The following LINGO2 variants were observed in gnomAD, a reference collection of about 807,000 sequenced individuals.
The protein encoded by LINGO2 is leucine-rich repeat and immunoglobulin-like domain-containing nogo receptor-interacting protein 2.
A neutral mutation model predicts 30.6 loss-of-function variants in LINGO2; 14 were observed. The observed-to-expected ratio is 0.46, with a 90% CI of 0.30 to 0.72. The LOEUF is 0.72. Ranked by LOEUF, LINGO2 falls within the 30% of genes least tolerant of loss-of-function variation. The pLI is 0.07. For synonymous variants in LINGO2, 317 were observed against 288.5 expected (o/e 1.10, Z -1.00); for missense variants, 729 against 751.7 (o/e 0.97, Z 0.35).
chr9:28,634,972 T>A (rs1827189580), intron 1 of LINGO2, among the ~76,000 whole-genome samples: 1 of 152,132 alleles, frequency 6.6e-6, no homozygotes, highest in South Asian at 2.1e-4. Context: ...ACATTAGAGA[T>A]GGGAAATTAC....
chr9:28,055,645 TAA>T (rs1384710270), intron 4 of LINGO2, among the ~76,000 whole-genome samples: 1 of 151,482 alleles, frequency 6.6e-6, no homozygotes, highest in Non-Finnish European at 1.5e-5. Flanking sequence ...GTCTTGCTAT[TAA>T]GTTTGTTAGG....
At chr9:28,756,833 C>T in the LINGO2 span, among the ~76,000 whole-genome samples, 1 of 151,800 alleles carries the variant, frequency 6.6e-6, no homozygotes, top group Non-Finnish European at 1.5e-5. Flanking sequence ...GCCTCCCTAG[C>T]CATATGGAAC....
At chr9:28,455,697 T>C (rs958482911) in intron 2 of LINGO2, among the ~76,000 whole-genome samples, 1 of 152,146 alleles carries the variant, frequency 6.6e-6, no homozygotes, top group Non-Finnish European at 1.5e-5. Context: ...AACCCAGCAA[T>C]GGCATTCTAC....
intron 2 of LINGO2, among the ~76,000 whole-genome samples, chr9:28,385,932 G>C: frequency 6.6e-6 from 1 of 152,036 alleles, no homozygotes; most frequent in East Asian, 1.9e-4. Flanking sequence ...TCTTCTTACA[G>C]ACCATCATTA....
At chr9:28,607,929 A>G (rs1201194678) in intron 1 of LINGO2, among the ~76,000 whole-genome samples, 3 of 152,060 alleles carry the variant, frequency 2.0e-5, no homozygotes, top group Non-Finnish European at 4.4e-5. Context: ...CTGCCTAGAA[A>G]TCTTAGAAGA....
intron 1 of LINGO2, among the ~76,000 whole-genome samples, chr9:28,504,749 G>T (rs1399415617): frequency 1.3e-5 from 2 of 151,724 alleles, no homozygotes; most frequent in South Asian, 2.1e-4. Context: ...GTCATTGTAA[G>T]TACCCTAAAT....
chr9:27,993,207 T>TC (rs997157185), intron 5 of LINGO2, among the ~76,000 whole-genome samples: 3 of 152,110 alleles, frequency 2.0e-5, no homozygotes, highest in African/African-American at 7.2e-5. Flanking sequence ...TTGGTAATTT[T>TC]CCCCCCTCTT....
chr9:28,355,588 A>G (rs909682351), intron 3 of LINGO2, among the ~76,000 whole-genome samples: 1 of 152,034 alleles, frequency 6.6e-6, no homozygotes, highest in African/African-American at 2.4e-5. Context: ...GTCTGCAAAT[A>G]ATATATGGAT....
At chr9:28,161,618 T>C (rs978814995) in intron 4 of LINGO2, among the ~76,000 whole-genome samples, 2 of 152,140 alleles carry the variant, frequency 1.3e-5, no homozygotes, top group African/African-American at 2.4e-5. Flanking sequence ...TCTCGATGTA[T>C]ATTGAAAATA....
chr9:29,157,706 A>G, the LINGO2 span, among the ~76,000 whole-genome samples: 1 of 152,194 alleles, frequency 6.6e-6, no homozygotes, highest in Non-Finnish European at 1.5e-5. Flanking sequence ...GAAGTCAATA[A>G]GCAGTTTTTT....
At chr9:28,421,003 TG>T (rs1206277888) in intron 2 of LINGO2, among the ~76,000 whole-genome samples, 3 of 152,078 alleles carry the variant, frequency 2.0e-5, no homozygotes, top group Non-Finnish European at 2.9e-5. Context: ...AGTTGGTGAT[TG>T]TATAAATCAC....
the LINGO2 span, among the ~76,000 whole-genome samples, chr9:29,111,120 G>A: frequency 6.6e-6 from 1 of 152,172 alleles, no homozygotes; most frequent in Admixed American, 6.5e-5. Flanking sequence ...GTTATTGTAA[G>A]AATGATCCTT....
chr9:28,255,196 G>T (rs984703823), intron 4 of LINGO2, among the ~76,000 whole-genome samples: 9 of 148,038 alleles, frequency 6.1e-5, no homozygotes, highest in Admixed American at 2.7e-4. Context: ...TCCCTCTCTC[G>T]CTCTCTCTCT....
chr9:28,213,045 C>T lies in LINGO2; in HGVS notation c.-87+82163G>A, dbSNP rs76729268. ...TTTATCTGTAATTTTTTCATGGTCA[C>T]TCTGAATCTGAAACTGTATGCAAAG... is the stretch of plus-strand genomic sequence containing the variant. On this transcript the variant is annotated intron_variant, in intron 4 of 5. Transcript: ENST00000379992. Among the ~76,000 whole-genome samples, 120 of 151,636 alleles carry T rather than the reference C, an allele frequency of 7.9e-4. 2 individuals carry two copies. Among genetic ancestry groups the T allele is most frequent in the African/African-American group, 2.8e-3 (115 of 41,512 alleles).
intron 4 of LINGO2, among the ~76,000 whole-genome samples, chr9:28,020,880 C>A (rs1239558348): frequency 6.7e-6 from 1 of 149,258 alleles, no homozygotes; most frequent in African/African-American, 2.5e-5. Context: ...TAGTAATGAC[C>A]CCTCTCTCTC....
chr9:28,299,468 T>C (rs902088541), intron 3 of LINGO2, among the ~76,000 whole-genome samples: 1 of 152,136 alleles, frequency 6.6e-6, no homozygotes. Context: ...TCTATTCATT[T>C]AGTCTGATGA....
the LINGO2 span, among the ~76,000 whole-genome samples, chr9:29,088,633 C>A: frequency 5.9e-5 from 9 of 152,178 alleles, no homozygotes; most frequent in East Asian, 1.5e-3. Context: ...GAAAATAATA[C>A]CTACACAGAC....
the LINGO2 span, among the ~76,000 whole-genome samples, chr9:28,898,205 A>T: frequency 6.6e-6 from 1 of 152,226 alleles, no homozygotes; most frequent in Non-Finnish European, 1.5e-5. Context: ...ACCTTAAATA[A>T]TTCATCAAAC....
the LINGO2 span, among the ~76,000 whole-genome samples, chr9:29,166,765 C>T: frequency 1.3e-5 from 2 of 152,000 alleles, no homozygotes; most frequent in South Asian, 2.1e-4. Flanking sequence ...CTTAAAAATC[C>T]ATTCACATGA....
Sources: allele counts gnomAD v4.1 joint callset (sites outside exome capture counted in the v4.1 genomes callset), GRCh38; gene constraint gnomAD v4.1.1; transcripts MANE v1.5; gene names NCBI Gene and HGNC (gene_info 2026-07-23, HGNC 2026-07-21).